PRKN: variants seen among roughly 807,000 people sequenced by gnomAD.
PRKN encodes the protein parkin RBR E3 ubiquitin protein ligase, also known as E3 ubiquitin-protein ligase parkin.
PRKN carries 56 observed loss-of-function variants against 59.5 expected under a neutral mutation model. That is an observed-to-expected ratio of 0.94 (90% confidence interval 0.76 to 1.18). The LOEUF is 1.18. Among genes scored for constraint, PRKN ranks in the 50% most tolerant of loss-of-function variants. PRKN has a pLI of 0.00. For missense variants in PRKN, 657 were observed against 596.4 expected, an observed-to-expected ratio of 1.10 and a Z score of -1.06; for synonymous variants, 250 against 222.1, an observed-to-expected ratio of 1.13 and a Z score of -1.12.
intron 7 of PRKN, among the ~76,000 whole-genome samples, chr6:161,645,492 A>C (rs1156896211): frequency 6.6e-6 from 1 of 152,250 alleles, no homozygotes; most frequent in Admixed American, 6.5e-5. Context: ...CAATCATTTC[A>C]AAACATTCAA....
chr6:162,688,232 T>C (rs769080571), intron 1 of PRKN, among the ~76,000 whole-genome samples: 1 of 152,118 alleles, frequency 6.6e-6, no homozygotes, highest in Non-Finnish European at 1.5e-5. Context: ...CTATATAACG[T>C]TCAAGAACAG....
At chr6:162,461,690 G>A (rs1300956879) in intron 1 of PRKN, among the ~76,000 whole-genome samples, 1 of 151,352 alleles carries the variant, frequency 6.6e-6, no homozygotes, top group Non-Finnish European at 1.5e-5. Context: ...GTGTGGTGGT[G>A]CGTTCCTGTA....
chr6:162,518,623 T>C (rs1351102304), intron 1 of PRKN, among the ~76,000 whole-genome samples: 1 of 152,142 alleles, frequency 6.6e-6, no homozygotes, highest in Non-Finnish European at 1.5e-5. Flanking sequence ...CACCTTGGGA[T>C]ACCAAACTGC....
intron 9 of PRKN, among the ~76,000 whole-genome samples, chr6:161,516,350 C>T (rs938061123): frequency 4.6e-5 from 7 of 151,090 alleles, no homozygotes; most frequent in African/African-American, 1.7e-4. Context: ...GCCTGTAATT[C>T]CAGCTACTCG....
intron 5 of PRKN, among the ~76,000 whole-genome samples, chr6:161,975,940 C>T (rs1215006289): frequency 6.6e-6 from 1 of 152,094 alleles, no homozygotes; most frequent in Non-Finnish European, 1.5e-5. Context: ...GAGTCTCACT[C>T]TATCGCCTAG....
chr6:161,411,816 CTCAT>C (rs1787556457), intron 9 of PRKN, among the ~76,000 whole-genome samples: 1 of 150,042 alleles, frequency 6.7e-6, no homozygotes, highest in South Asian at 2.2e-4. Context: ...CATTCCTCCA[CTCAT>C]TCATTCCTCC....
intron 2 of PRKN, among the ~76,000 whole-genome samples, chr6:162,430,411 C>G (rs999707867): frequency 1.3e-5 from 2 of 152,142 alleles, no homozygotes; most frequent in Admixed American, 6.5e-5. Context: ...TGTGGCCCAC[C>G]TCCTAATCCA....
At position 161,827,173 on chromosome 6, in the gene PRKN, T is replaced by C. The variant is rs1792281086; in HGVS notation, c.735-41265A>G. Among the ~76,000 whole-genome samples, 6 of 152,116 alleles carry C rather than the reference T, an allele frequency of 3.9e-5. 1 individual carries two copies. The South Asian group carries it at 1.2e-3, about 32-fold the overall frequency. On this transcript the variant is annotated intron_variant, in intron 6 of 11. Coordinates refer to ENST00000366898, the MANE Select transcript of PRKN (RefSeq NM_004562.3). Reference sequence around the variant, plus strand: ...ATAAGGGGGTCCTTACAACACCACATTTCTTCCCACTCACACTTAATCACA... The same window carrying C: ...ATAAGGGGGTCCTTACAACACCACACTTCTTCCCACTCACACTTAATCACA...
In PRKN at chr6:162,430,584, CAT is replaced by C. The variant is rs147788688; in HGVS notation, c.171+12724_171+12725del. On this transcript the variant is annotated intron_variant, in intron 2 of 11. Transcript: ENST00000366898. Reference sequence around the variant, plus strand: ...AATACAGAATGGGGAAACTGGCTTACATATATATATATATATCTTGTAAAAAC... The same window carrying C: ...AATACAGAATGGGGAAACTGGCTTACATATATATATATATCTTGTAAAAAC... 6.6e-4 allele frequency among the ~76,000 whole-genome samples: 99 copies of C among 149,940 alleles called. 3 individuals carry two copies. In the South Asian group the frequency reaches 0.017, roughly 26 times the overall value.
At chr6:161,788,777 G>A (rs949262172) in intron 6 of PRKN, among the ~76,000 whole-genome samples, 4 of 152,036 alleles carry the variant, frequency 2.6e-5, no homozygotes, top group Non-Finnish European at 4.4e-5. Flanking sequence ...TGTCCTCTTC[G>A]GAAAAGAAAG....
intron 2 of PRKN, among the ~76,000 whole-genome samples, chr6:162,345,891 A>G (rs535456503): frequency 2.0e-5 from 3 of 152,184 alleles, no homozygotes; most frequent in South Asian, 4.1e-4. Flanking sequence ...TCGTATGTTG[A>G]TGGTATTTGG....
chr6:161,850,171 G>A (rs1793368219), intron 6 of PRKN, among the ~76,000 whole-genome samples: 1 of 151,886 alleles, frequency 6.6e-6, no homozygotes, highest in Non-Finnish European at 1.5e-5. Flanking sequence ...ATGAGTAGAT[G>A]GCTATTATCC....
chr6:162,333,023 A>C (rs1165040243), intron 2 of PRKN, among the ~76,000 whole-genome samples: 1 of 152,168 alleles, frequency 6.6e-6, no homozygotes, highest in Non-Finnish European at 1.5e-5. Context: ...CTAACCTTCC[A>C]AACAGATATT....
intron 3 of PRKN, among the ~76,000 whole-genome samples, chr6:162,205,423 A>G (rs763637075): frequency 8.5e-5 from 13 of 152,146 alleles, no homozygotes; most frequent in Non-Finnish European, 5.9e-5. Flanking sequence ...ATACTTAGGA[A>G]GAGTCGTTCT....
At chr6:161,987,532 C>CTCTA (rs1229199617) in intron 5 of PRKN, among the ~76,000 whole-genome samples, 2 of 152,206 alleles carry the variant, frequency 1.3e-5, no homozygotes, top group Non-Finnish European at 2.9e-5. Context: ...CTCCTGTGTA[C>CTCTA]TCTAAATCAT....
At chr6:161,673,240 G>A (rs1784972225) in intron 7 of PRKN, among the ~76,000 whole-genome samples, 1 of 152,206 alleles carries the variant, frequency 6.6e-6, no homozygotes, top group Admixed American at 6.5e-5. Flanking sequence ...GACAAACATG[G>A]AAACCCAAGT....
intron 2 of PRKN, among the ~76,000 whole-genome samples, chr6:162,309,410 A>T (rs191331904): frequency 6.6e-6 from 1 of 152,228 alleles, no homozygotes; most frequent in African/African-American, 2.4e-5. Context: ...AGTGATCTGC[A>T]TGCCTCAGCC....
intron 1 of PRKN, among the ~76,000 whole-genome samples, chr6:162,643,598 T>C (rs1368301614): frequency 6.6e-6 from 1 of 152,116 alleles, no homozygotes. Context: ...TGAGCTGTCC[T>C]GAAGACCTCT....
chr6:162,341,185 T>C (rs1295042814), intron 2 of PRKN, among the ~76,000 whole-genome samples: 3 of 152,004 alleles, frequency 2.0e-5, no homozygotes, highest in Non-Finnish European at 4.4e-5. Context: ...ATTAGAGAAA[T>C]GCAAATCAAA....
Sources: gnomAD v4.1 joint callset for allele counts (sites outside exome capture counted in the v4.1 genomes callset) on GRCh38, gnomAD v4.1.1 for gene constraint, MANE v1.5 for transcripts, NCBI Gene and HGNC (gene_info 2026-07-23, HGNC 2026-07-21) for gene names.